The following GPC6 variants were observed in gnomAD, a reference collection of about 807,000 sequenced individuals.
GPC6 encodes glypican-6.
A neutral mutation model predicts 55.2 loss-of-function variants in GPC6; 14 were observed. The ratio of observed to expected loss-of-function variants is 0.25; its 90% confidence interval spans 0.17 to 0.40. GPC6 has a LOEUF of 0.40. Among genes scored for constraint, GPC6 ranks in the 10% least tolerant of loss-of-function variants. GPC6 has a pLI of 1.00. For missense variants in GPC6, 641 were observed against 708.5 expected (o/e 0.90, Z 1.08); for synonymous variants, 278 against 259.6 (o/e 1.07, Z -0.68).
intron 1 of GPC6, among the ~76,000 whole-genome samples, chr13:93,264,827 A>AT (rs1162663996): frequency 6.6e-5 from 10 of 150,988 alleles, no homozygotes; most frequent in African/African-American, 1.7e-4. Context: ...TTTTAATTTT[A>AT]TTTTTTTTTC....
intron 2 of GPC6, among the ~76,000 whole-genome samples, chr13:93,634,624 T>C (rs1373626584): frequency 1.3e-5 from 2 of 152,208 alleles, no homozygotes; most frequent in East Asian, 3.9e-4. Context: ...GATTTTTAAT[T>C]CATGGCTACA....
intron 1 of GPC6, among the ~76,000 whole-genome samples, chr13:93,360,872 T>C (rs1881019890): frequency 6.6e-6 from 1 of 152,196 alleles, no homozygotes; most frequent in Admixed American, 6.5e-5. Flanking sequence ...TAGAGGCTTC[T>C]AGTGTGGATG....
At chr13:93,804,002 AT>A (rs1181436998) in intron 2 of GPC6, among the ~76,000 whole-genome samples, 1 of 152,204 alleles carries the variant, frequency 6.6e-6, no homozygotes, top group African/African-American at 2.4e-5. Flanking sequence ...ATGGTTGCAC[AT>A]CCTAGAGCAG....
At chr13:93,644,135 C>T (rs115155305) in intron 2 of GPC6, among the ~76,000 whole-genome samples, 1,670 of 152,156 alleles carry the variant, frequency 0.011, 32 homozygotes, top group African/African-American at 0.038. Flanking sequence ...GCTTTTTAAC[C>T]TGTTAGCCTT....
At chr13:93,795,005 CTG>C (rs1886154727) in intron 2 of GPC6, among the ~76,000 whole-genome samples, 1 of 152,152 alleles carries the variant, frequency 6.6e-6, no homozygotes, top group Non-Finnish European at 1.5e-5. Flanking sequence ...AGCATATAGA[CTG>C]TGAAAAATTC....
intron 1 of GPC6, among the ~76,000 whole-genome samples, chr13:93,530,639 T>C (rs1881831221): frequency 6.6e-6 from 1 of 152,176 alleles, no homozygotes; most frequent in Non-Finnish European, 1.5e-5. Context: ...TCAGGAATTT[T>C]TGAATCTCTT....
chr13:93,544,624 G>A (rs559560875), intron 1 of GPC6, among the ~76,000 whole-genome samples: 1 of 152,296 alleles, frequency 6.6e-6, no homozygotes, highest in Non-Finnish European at 1.5e-5. Flanking sequence ...TAGATCTGTT[G>A]AATTAAATAC....
At chr13:93,957,928 T>C (rs1879578944) in intron 3 of GPC6, among the ~76,000 whole-genome samples, 1 of 152,244 alleles carries the variant, frequency 6.6e-6, no homozygotes, top group African/African-American at 2.4e-5. Context: ...GGATGGCATC[T>C]CATTGTGGTT....
At chr13:93,849,059 C>T (rs1888302903) in intron 3 of GPC6, among the ~76,000 whole-genome samples, 1 of 152,070 alleles carries the variant, frequency 6.6e-6, no homozygotes, top group African/African-American at 2.4e-5. Flanking sequence ...AGTGGGCCTT[C>T]CCAACCTGAA....
At chr13:93,620,601 TGTTG>T (rs1310865126) in intron 2 of GPC6, among the ~76,000 whole-genome samples, 2 of 152,236 alleles carry the variant, frequency 1.3e-5, no homozygotes, top group Non-Finnish European at 2.9e-5. Flanking sequence ...TTAAGTTCAT[TGTTG>T]GTCTGATGTT....
At position 94,389,270 on chromosome 13, in the gene GPC6, G is replaced by C. The variant is rs549740787; in HGVS notation, c.1289+6720G>C. On this transcript the variant is annotated intron_variant, in intron 7 of 8. Transcript: ENST00000377047. Reference sequence around the variant, plus strand: ...CCTCCCAAAGTTCCTGGGGTGAACTGAGAGACCCTAGGAGGACATTTGCAG... The same window carrying C: ...CCTCCCAAAGTTCCTGGGGTGAACTCAGAGACCCTAGGAGGACATTTGCAG... Among the ~76,000 whole-genome samples, 5 of 152,254 alleles carry C rather than the reference G, an allele frequency of 3.3e-5. No homozygotes were observed. In the South Asian group the frequency reaches 6.2e-4, roughly 19 times the overall value.
chr13:93,791,068 T>C (rs1886017748), intron 2 of GPC6, among the ~76,000 whole-genome samples: 1 of 152,214 alleles, frequency 6.6e-6, no homozygotes, highest in Non-Finnish European at 1.5e-5. Context: ...CCGCACTCCC[T>C]GCATTTCTAT....
chr13:93,388,659 T>C (rs1169775603), intron 1 of GPC6, among the ~76,000 whole-genome samples: 1 of 152,218 alleles, frequency 6.6e-6, no homozygotes, highest in Non-Finnish European at 1.5e-5. Context: ...CTGACCTCTG[T>C]AAGGGACATA....
chr13:94,050,366 T>C (rs1883898542), intron 4 of GPC6, among the ~76,000 whole-genome samples: 1 of 152,156 alleles, frequency 6.6e-6, no homozygotes, highest in Non-Finnish European at 1.5e-5. Context: ...TCCAATGAAA[T>C]TGTGAGAGCG....
At chr13:94,250,086 C>G (rs1295383420) in intron 4 of GPC6, among the ~76,000 whole-genome samples, 1 of 152,050 alleles carries the variant, frequency 6.6e-6, no homozygotes, top group Non-Finnish European at 1.5e-5. Context: ...TTAATAAATG[C>G]CAAGCACTAT....
At chr13:94,044,701 A>G (rs936064166) in intron 4 of GPC6, among the ~76,000 whole-genome samples, 28 of 151,864 alleles carry the variant, frequency 1.8e-4, no homozygotes, top group African/African-American at 6.3e-4. Context: ...AGTGTTATCA[A>G]ATTTTCCTCT....
chr13:93,538,373 A>T (rs144868416), intron 1 of GPC6, among the ~76,000 whole-genome samples: 1 of 152,314 alleles, frequency 6.6e-6, no homozygotes, highest in East Asian at 1.9e-4. Context: ...TTAAGAGGTC[A>T]GCTCATTTCT....
intron 3 of GPC6, among the ~76,000 whole-genome samples, chr13:93,869,106 G>A (rs776457252): frequency 9.2e-5 from 14 of 151,736 alleles, no homozygotes; most frequent in Non-Finnish European, 1.5e-4. Context: ...AAAGTGATTA[G>A]CCCTTTAATA....
chr13:93,785,027 A>G (rs1280512417), intron 2 of GPC6, among the ~76,000 whole-genome samples: 1 of 152,214 alleles, frequency 6.6e-6, no homozygotes, highest in African/African-American at 2.4e-5. Flanking sequence ...AAAAGGAAGT[A>G]ATCTCATTCC....
Sources: allele counts gnomAD v4.1 joint callset (sites outside exome capture counted in the v4.1 genomes callset), GRCh38; gene constraint gnomAD v4.1.1; transcripts MANE v1.5; gene names NCBI Gene and HGNC (gene_info 2026-07-23, HGNC 2026-07-21).